The following XRCC4 variants were observed in gnomAD, a reference collection of about 807,000 sequenced individuals.
XRCC4 encodes X-ray repair cross complementing 4.
In XRCC4, 28 loss-of-function variants were observed where a neutral mutation model predicts 39.1. The observed-to-expected ratio is 0.72, with a 90% CI of 0.53 to 0.98. The LOEUF is 0.98. XRCC4 is among the 50% of genes least tolerant of loss of function. XRCC4 has a pLI of 0.00. For missense variants in XRCC4, 350 were observed against 376.4 expected (o/e 0.93, Z 0.58); for synonymous variants, 123 against 126.4 (o/e 0.97, Z 0.18).
chr5:83,221,106 A>C (rs1187410106), intron 6 of XRCC4, among the ~76,000 whole-genome samples: 1 of 152,122 alleles, frequency 6.6e-6, no homozygotes, highest in African/African-American at 2.4e-5. Flanking sequence ...ACTGATGATA[A>C]TGAGTACTGC....
intron 1 of XRCC4, among the ~76,000 whole-genome samples, chr5:83,092,818 A>G (rs2112322798): frequency 6.6e-6 from 1 of 152,234 alleles, no homozygotes; most frequent in East Asian, 1.9e-4. Flanking sequence ...GACATACCAC[A>G]CAGGAAACTA....
At chr5:83,147,742 A>G (rs1196456769) in intron 3 of XRCC4, among the ~76,000 whole-genome samples, 4 of 152,068 alleles carry the variant, frequency 2.6e-5, no homozygotes, top group Non-Finnish European at 4.4e-5. Flanking sequence ...GAAGTAATGC[A>G]TATGTTAATT....
rs752327919 is a variant in XRCC4 at position 83,203,689 on chromosome 5, A to G, written c.620A>G (p.Lys207Arg). ...KLLNAAQEREKDIKQEGETAI... is the reference protein window; with the variant it reads ...KLLNAAQERERDIKQEGETAI... ...TTAAATGCAGCTCAAGAACGAGAAAAGGACATCAAACAAGAAGGGTATTTT... is the reference window on the plus strand; with the variant it reads ...TTAAATGCAGCTCAAGAACGAGAAAGGGACATCAAACAAGAAGGGTATTTT... Residue 207 changes from lysine (K) to arginine (R), a missense_variant, in exon 5 of 8, where the codon AAG becomes AGG. Coordinates refer to ENST00000396027, the MANE Select transcript of XRCC4 (RefSeq NM_003401.5). 1 of 1,608,532 alleles carries G rather than the reference A, an allele frequency of 6.2e-7. No homozygotes were observed. The highest frequency in any genetic ancestry group is 1.3e-5 in the African/African-American group (1 of 74,728).
At chr5:83,311,749 T>C (rs1333914604) in intron 7 of XRCC4, among the ~76,000 whole-genome samples, 2 of 152,038 alleles carry the variant, frequency 1.3e-5, no homozygotes, top group Non-Finnish European at 2.9e-5. Flanking sequence ...CTTAAAATAA[T>C]GCATACCACT....
At chr5:83,117,534 T>C (rs1488051693) in intron 3 of XRCC4, among the ~76,000 whole-genome samples, 4 of 152,126 alleles carry the variant, frequency 2.6e-5, no homozygotes, top group African/African-American at 7.2e-5. Context: ...CATTTAACCC[T>C]AATTTCCTCA....
At chr5:83,361,078 C>G in the XRCC4 span, among the ~76,000 whole-genome samples, 1 of 152,138 alleles carries the variant, frequency 6.6e-6, no homozygotes. Context: ...CAGCTATTGA[C>G]TGTGTGACTT....
chr5:83,268,991 A>C (rs1015012294), intron 7 of XRCC4, among the ~76,000 whole-genome samples: 1 of 152,200 alleles, frequency 6.6e-6, no homozygotes, highest in Non-Finnish European at 1.5e-5. Context: ...GCACCATATA[A>C]AACAGGAACT....
At chr5:83,338,555 A>C (rs1756660498) in intron 7 of XRCC4, among the ~76,000 whole-genome samples, 1 of 152,162 alleles carries the variant, frequency 6.6e-6, no homozygotes, top group Non-Finnish European at 1.5e-5. Flanking sequence ...AGCTTCCTCC[A>C]CTATGAAGTT....
chr5:83,208,808 G>C (rs1561405266), intron 6 of XRCC4, among the ~76,000 whole-genome samples: 1 of 151,942 alleles, frequency 6.6e-6, no homozygotes, highest in Non-Finnish European at 1.5e-5. Flanking sequence ...CTTTTACTAT[G>C]TCTTGGATTT....
intron 3 of XRCC4, among the ~76,000 whole-genome samples, chr5:83,193,712 T>C (rs1178165393): frequency 6.6e-6 from 1 of 152,214 alleles, no homozygotes; most frequent in African/African-American, 2.4e-5. Flanking sequence ...TTGAAACTTT[T>C]CAAATGTTAA....
chr5:83,360,142 G>T, the XRCC4 span, among the ~76,000 whole-genome samples: 2 of 152,248 alleles, frequency 1.3e-5, no homozygotes, highest in South Asian at 2.1e-4. Flanking sequence ...TTATCAAATA[G>T]TCAAGAGACT....
intron 3 of XRCC4, among the ~76,000 whole-genome samples, chr5:83,151,710 C>G (rs73150004): frequency 6.5e-4 from 99 of 152,232 alleles, no homozygotes; most frequent in African/African-American, 2.4e-3. Context: ...CACCAATGTT[C>G]TGTGTGCACT....
chr5:83,137,052 G>A (rs896376613), intron 3 of XRCC4, among the ~76,000 whole-genome samples: 1 of 152,100 alleles, frequency 6.6e-6, no homozygotes, highest in Non-Finnish European at 1.5e-5. Context: ...TCATCAAGTT[G>A]TGTACCTTAT....
At chr5:83,157,128 G>T (rs1393112625) in intron 3 of XRCC4, among the ~76,000 whole-genome samples, 1 of 152,114 alleles carries the variant, frequency 6.6e-6, no homozygotes, top group Non-Finnish European at 1.5e-5. Context: ...AAGGGAACTG[G>T]CTCCCTTCCT....
intron 3 of XRCC4, among the ~76,000 whole-genome samples, chr5:83,145,072 T>A (rs937389710): frequency 2.6e-5 from 4 of 152,142 alleles, no homozygotes; most frequent in Non-Finnish European, 4.4e-5. Flanking sequence ...ATTTTTTGTA[T>A]TTTTAGTAGA....
intron 6 of XRCC4, among the ~76,000 whole-genome samples, chr5:83,222,465 G>A (rs915833402): frequency 1.3e-5 from 2 of 152,114 alleles, no homozygotes; most frequent in African/African-American, 2.4e-5. Context: ...TCAGCATTAT[G>A]TATATCTGTC....
At chr5:83,360,502 G>T in the XRCC4 span, among the ~76,000 whole-genome samples, 1 of 152,190 alleles carries the variant, frequency 6.6e-6, no homozygotes, top group Non-Finnish European at 1.5e-5. Context: ...ATGAATATTT[G>T]CTCTTTAATG....
intron 7 of XRCC4, among the ~76,000 whole-genome samples, chr5:83,270,904 G>C (rs1754125389): frequency 6.6e-6 from 1 of 151,708 alleles, no homozygotes. Flanking sequence ...TCCTGCCTCA[G>C]CCTCCTAAGT....
chr5:83,190,449 G>T (rs1186381519), intron 3 of XRCC4, among the ~76,000 whole-genome samples: 1 of 152,136 alleles, frequency 6.6e-6, no homozygotes, highest in African/African-American at 2.4e-5. Flanking sequence ...GCAACAAAAT[G>T]AGATTCTATC....
Sources: gnomAD v4.1 joint callset for allele counts (sites outside exome capture counted in the v4.1 genomes callset) on GRCh38, gnomAD v4.1.1 for gene constraint, MANE v1.5 for transcripts, NCBI Gene and HGNC (gene_info 2026-07-23, HGNC 2026-07-21) for gene names.